Variants in SNRNP40 observed in about 807,000 individuals in gnomAD.
SNRNP40 encodes U5 small nuclear ribonucleoprotein 40 kDa protein.
SNRNP40 carries 21 observed loss-of-function variants against 45.8 expected under a neutral mutation model. The observed-to-expected ratio is 0.46, with a 90% confidence interval of 0.32 to 0.66. The LOEUF is 0.66. Among genes scored for constraint, SNRNP40 ranks in the 30% least tolerant of loss-of-function variants. The pLI is 0.03. For synonymous variants in SNRNP40, 142 were observed against 163.8 expected (o/e 0.87, Z 1.01); for missense variants, 344 against 439.1 (o/e 0.78, Z 1.94).
chr1:31,285,199 C>G (rs1006942136), intron 4 of SNRNP40, among the ~76,000 whole-genome samples: 5 of 150,234 alleles, frequency 3.3e-5, no homozygotes, highest in African/African-American at 1.2e-4. Context: ...TTTTTTTGGT[C>G]TAAATCATTT....
chr1:31,267,131 G>T (rs1645902416), intron 8 of SNRNP40, among the ~76,000 whole-genome samples: 2 of 152,142 alleles, frequency 1.3e-5, no homozygotes. Flanking sequence ...AAGAGGGAAT[G>T]TGAGAGAGAA....
At chr1:31,261,001 C>G (rs1645854842) in intron 9 of SNRNP40, 2 of 1,264,576 alleles carry the variant, frequency 1.6e-6, no homozygotes, top group African/African-American at 3.1e-5. Flanking sequence ...TGCTCTTACT[C>G]TCACCACTTA....
At chr1:31,279,585 CA>C (rs1646001167) in intron 5 of SNRNP40, among the ~76,000 whole-genome samples, 1 of 151,028 alleles carries the variant, frequency 6.6e-6, no homozygotes, top group Non-Finnish European at 1.5e-5. Context: ...CTGTCTCTAC[CA>C]AAAATACAAA....
At chr1:31,286,583 CCT>C (rs1646060960) in intron 4 of SNRNP40, among the ~76,000 whole-genome samples, 1 of 152,266 alleles carries the variant, frequency 6.6e-6, no homozygotes, top group East Asian at 1.9e-4. Flanking sequence ...TCATTTCTAC[CCT>C]GTGTGGATGC....
intron 5 of SNRNP40, among the ~76,000 whole-genome samples, chr1:31,275,965 A>G (rs1447594269): frequency 1.3e-5 from 2 of 152,204 alleles, no homozygotes; most frequent in Admixed American, 6.5e-5. Flanking sequence ...TCATGCACAA[A>G]TATGTCCATA....
chr1:31,285,721 A>C (rs1011231315), intron 4 of SNRNP40, among the ~76,000 whole-genome samples: 3 of 152,232 alleles, frequency 2.0e-5, no homozygotes, highest in Non-Finnish European at 4.4e-5. Flanking sequence ...CATATGTTAA[A>C]TTTAGACTCC....
chr1:31,282,937 A>G (rs962090489), intron 4 of SNRNP40, among the ~76,000 whole-genome samples: 1 of 152,068 alleles, frequency 6.6e-6, no homozygotes, highest in African/African-American at 2.4e-5. Context: ...CACCCTCCCA[A>G]AGTGCTAAGA....
At chr1:31,296,471 A>G in intron 1 of SNRNP40, 140 bp downstream of exon 1, 4 of 1,158,050 alleles carry the variant, frequency 3.5e-6, no homozygotes, top group Non-Finnish European at 4.8e-6. Flanking sequence ...GAGCTTTTAC[A>G]GTGTTTATGT....
intron 5 of SNRNP40, among the ~76,000 whole-genome samples, chr1:31,276,755 AGGCGTGGTG>A (rs1645978530): frequency 1.3e-5 from 2 of 152,078 alleles, no homozygotes; most frequent in Admixed American, 1.3e-4. Flanking sequence ...CAAACTGGCC[AGGCGTGGTG>A]GCTCACTCCT....
chr1:31,276,586 T>C (rs968498241), intron 5 of SNRNP40, among the ~76,000 whole-genome samples: 4 of 151,978 alleles, frequency 2.6e-5, no homozygotes, highest in Admixed American at 2.6e-4. Context: ...TATGTGATAA[T>C]AAGTGAAAAG....
chr1:31,269,287 C>A, intron 6 of SNRNP40, 47 bp from the exon 7 acceptor site: 1 of 1,608,658 alleles, frequency 6.2e-7, no homozygotes, highest in Non-Finnish European at 8.5e-7. Context: ...CAACTATCGG[C>A]CAGAGGCCTC....
chr1:31,276,833 G>T (rs1050212093), intron 5 of SNRNP40, among the ~76,000 whole-genome samples: 1 of 152,208 alleles, frequency 6.6e-6, no homozygotes, highest in African/African-American at 2.4e-5. Context: ...AGGAGTTCTA[G>T]AACAGTCTGG....
At chr1:31,281,695 T>C in intron 4 of SNRNP40, 199 bp from the exon 5 acceptor site, 1 of 408,324 alleles carries the variant, frequency 2.4e-6, no homozygotes, top group South Asian at 7.8e-5. Flanking sequence ...TGAAGGCTGG[T>C]GAAACAAAAC....
In SNRNP40 at chr1:31,296,735, T is replaced by C; in HGVS notation, c.17A>G (p.Lys6Arg). The C allele has an allele frequency of 6.2e-7, 1 of 1,608,626 alleles. No individual in the cohort carries two copies. The highest frequency in any genetic ancestry group is 1.1e-5 in the South Asian group (1 of 90,620). The change falls in exon 1 of 10, where the codon AAG (lysine) becomes AGG (arginine). Residue 6 changes from lysine (K) to arginine (R), a missense_variant. Coordinates refer to ENST00000263694, the MANE Select transcript of SNRNP40 (RefSeq NM_004814.3). ...CAGCGGCAACTCTGGGCCCTTACGC[T>C]TCTGCTGTTCTATCATGGCGGCAAC... MIEQQ[K>R]RKGPELPLVP...
At chr1:31,263,097 A>C (rs1645871582) in intron 8 of SNRNP40, 1 of 152,174 alleles carries the variant, frequency 6.6e-6, no homozygotes, top group South Asian at 2.1e-4. Context: ...AATACTCTGA[A>C]TACTACTGAA....
At chr1:31,262,684 A>G (rs1487225121) in intron 8 of SNRNP40, among the ~76,000 whole-genome samples, 1 of 151,412 alleles carries the variant, frequency 6.6e-6, no homozygotes, top group Non-Finnish European at 1.5e-5. Context: ...AGAGCTTATT[A>G]GAGAATGTTC....
At chr1:31,284,754 A>G (rs1646043649) in intron 4 of SNRNP40, among the ~76,000 whole-genome samples, 1 of 152,178 alleles carries the variant, frequency 6.6e-6, no homozygotes, top group Non-Finnish European at 1.5e-5. Flanking sequence ...CTGTGCCAAG[A>G]TGCCTCTTCC....
At chr1:31,288,093 G>A (rs1292205465) in intron 4 of SNRNP40, among the ~76,000 whole-genome samples, 4 of 152,058 alleles carry the variant, frequency 2.6e-5, no homozygotes, top group African/African-American at 9.7e-5. Context: ...AACCCGGGAG[G>A]TGGAGGCTAC....
In SNRNP40 at chr1:31,296,780, A is replaced by G. The variant is rs769458001; in HGVS notation, c.-29T>C. On this transcript the variant is annotated 5_prime_UTR_variant, in exon 1 of 10. Coordinates refer to ENST00000263694, the MANE Select transcript of SNRNP40 (RefSeq NM_004814.3). ...GGCAACCGGTCTCTTCAGCGCCGCCACTGACCGCGCTGCCGCTCTCAGGCG... is the reference window on the plus strand; with the variant it reads ...GGCAACCGGTCTCTTCAGCGCCGCCGCTGACCGCGCTGCCGCTCTCAGGCG... 2 of 1,554,370 alleles carry G rather than the reference A, an allele frequency of 1.3e-6. No homozygotes were observed. The highest frequency in any genetic ancestry group is 2.0e-5 in the Admixed American group (1 of 49,390).
Sources: gnomAD v4.1 joint callset for allele counts (sites outside exome capture counted in the v4.1 genomes callset) on GRCh38, gnomAD v4.1.1 for gene constraint, MANE v1.5 for transcripts, NCBI Gene and HGNC (gene_info 2026-07-23, HGNC 2026-07-21) for gene names.